The following TAFA2 variants were observed in gnomAD, a reference collection of about 807,000 sequenced individuals.
TAFA2 encodes TAFA chemokine like family member 2.
A neutral mutation model predicts 18.8 loss-of-function variants in TAFA2; 7 were observed. The observed-to-expected ratio is 0.37, with a 90% confidence interval of 0.21 to 0.70. The LOEUF is 0.70. Ranked by LOEUF, TAFA2 falls within the 30% of genes least tolerant of loss-of-function variation. TAFA2 has a pLI of 0.53. For missense variants in TAFA2, 122 were observed against 158.1 expected (o/e 0.77, Z 1.23); for synonymous variants, 60 against 54.2 (o/e 1.11, Z -0.47).
At chr12:61,811,097 A>AGC (rs1871849089) in intron 2 of TAFA2, among the ~76,000 whole-genome samples, 2 of 151,376 alleles carry the variant, frequency 1.3e-5, no homozygotes, top group Admixed American at 6.6e-5. Context: ...TCTAAATAAA[A>AGC]ATAAGCGTTC....
intron 4 of TAFA2, among the ~76,000 whole-genome samples, chr12:61,724,473 T>G (rs1368577023): frequency 6.6e-6 from 1 of 151,944 alleles, no homozygotes; most frequent in Non-Finnish European, 1.5e-5. Flanking sequence ...CTGAGATTTT[T>G]GTACACTCAT....
chr12:61,930,417 A>G (rs1877507704), intron 1 of TAFA2, among the ~76,000 whole-genome samples: 1 of 152,234 alleles, frequency 6.6e-6, no homozygotes, highest in African/African-American at 2.4e-5. Context: ...ACATGCATTC[A>G]ACACTTCGTA....
intron 1 of TAFA2, among the ~76,000 whole-genome samples, chr12:61,958,084 A>G (rs1878759305): frequency 6.6e-6 from 1 of 152,130 alleles, no homozygotes; most frequent in African/African-American, 2.4e-5. Context: ...ATACTCATAC[A>G]AAGACCTAAA....
intron 2 of TAFA2, among the ~76,000 whole-genome samples, chr12:61,866,433 G>T (rs953284231): frequency 6.6e-6 from 1 of 152,126 alleles, no homozygotes; most frequent in Non-Finnish European, 1.5e-5. Context: ...AAACTTAGTT[G>T]TTAGTCTCTA....
chr12:62,134,453 A>G, intron 1 of TAFA2, among the ~76,000 whole-genome samples: 1 of 152,020 alleles, frequency 6.6e-6, no homozygotes, highest in East Asian at 1.9e-4. Flanking sequence ...CTGAAAACCA[A>G]GAAGATGGCC....
chr12:62,081,478 T>C (rs201018295), intron 1 of TAFA2, among the ~76,000 whole-genome samples: 2 of 150,662 alleles, frequency 1.3e-5, no homozygotes, highest in Non-Finnish European at 2.9e-5. Flanking sequence ...TTGTTTTTTA[T>C]TTTGTTTGTT....
chr12:61,925,674 C>T (rs540063271), intron 1 of TAFA2, among the ~76,000 whole-genome samples: 7 of 152,058 alleles, frequency 4.6e-5, no homozygotes, highest in African/African-American at 1.4e-4. Context: ...GAAATTGACA[C>T]CAGAATCTCT....
At chr12:62,194,826 C>A (rs975848063), upstream of TAFA2, among the ~76,000 whole-genome samples, 2 of 152,288 alleles carry the variant, frequency 1.3e-5, no homozygotes, top group East Asian at 3.9e-4. Context: ...TAAAGTGAGT[C>A]ACACAATTTT....
intron 1 of TAFA2, among the ~76,000 whole-genome samples, chr12:62,078,382 A>G (rs1056003506): frequency 3.3e-5 from 5 of 150,098 alleles, no homozygotes; most frequent in African/African-American, 1.2e-4. Flanking sequence ...CATAAGAACT[A>G]TGCACACGTA....
chr12:62,004,484 G>C (rs1419555033), intron 1 of TAFA2, among the ~76,000 whole-genome samples: 1 of 152,120 alleles, frequency 6.6e-6, no homozygotes, highest in African/African-American at 2.4e-5. Flanking sequence ...AAGAAGAAAA[G>C]TTACTTGAGC....
chr12:61,988,796 T>G (rs576959945), intron 1 of TAFA2, among the ~76,000 whole-genome samples: 51 of 152,288 alleles, frequency 3.3e-4, no homozygotes, highest in Non-Finnish European at 6.5e-4. Context: ...TGTGCAAGCT[T>G]GGGCTCTGTG....
intron 1 of TAFA2, among the ~76,000 whole-genome samples, chr12:61,939,722 A>G (rs1318516051): frequency 6.6e-6 from 1 of 152,234 alleles, no homozygotes; most frequent in Non-Finnish European, 1.5e-5. Context: ...AAACAGGACA[A>G]TACATTTGAT....
At chr12:61,719,087 T>TG (rs895852418) in intron 4 of TAFA2, among the ~76,000 whole-genome samples, 2 of 152,062 alleles carry the variant, frequency 1.3e-5, no homozygotes, top group East Asian at 1.9e-4. Context: ...TTATGGCAGT[T>TG]GGGGGGGATC....
intron 2 of TAFA2, 125 bp from the exon 3 acceptor site, chr12:61,755,149 A>G (rs908252605): frequency 1.1e-4 from 88 of 773,752 alleles, no homozygotes; most frequent in Non-Finnish European, 1.6e-4. Flanking sequence ...GAAACGAGAA[A>G]TACAATGATG....
chr12:62,231,461 G>A (rs1010278696), intron 1 of TAFA2, among the ~76,000 whole-genome samples: 8 of 151,840 alleles, frequency 5.3e-5, no homozygotes, highest in Non-Finnish European at 7.4e-5. Flanking sequence ...CACTTTCTAC[G>A]TCTTTTTGGT....
At chr12:62,252,470 T>C (rs932664356) in intron 1 of TAFA2, 8 of 152,172 alleles carry the variant, frequency 5.3e-5, no homozygotes, top group Non-Finnish European at 1.0e-4. Flanking sequence ...CCTCTAAACC[T>C]ACAAATCTCA....
intron 1 of TAFA2, among the ~76,000 whole-genome samples, chr12:62,238,612 T>C (rs1356463003): frequency 6.6e-6 from 1 of 152,212 alleles, no homozygotes; most frequent in Admixed American, 6.5e-5. Flanking sequence ...AAACCCTTAA[T>C]ACTCAGTAAT....
intron 1 of TAFA2, among the ~76,000 whole-genome samples, chr12:62,103,347 T>G (rs1869292480): frequency 6.6e-6 from 1 of 152,168 alleles, no homozygotes; most frequent in South Asian, 2.1e-4. Context: ...ATCACACACT[T>G]ACCCCATCAG....
intron 1 of TAFA2, among the ~76,000 whole-genome samples, chr12:62,212,328 A>C (rs890508279): frequency 1.3e-5 from 2 of 152,172 alleles, no homozygotes; most frequent in African/African-American, 4.8e-5. Flanking sequence ...CCAAGAATCC[A>C]CCTATAAAGA....
Sources: allele counts gnomAD v4.1 joint callset (sites outside exome capture counted in the v4.1 genomes callset), GRCh38; gene constraint gnomAD v4.1.1; transcripts MANE v1.5; gene names NCBI Gene and HGNC (gene_info 2026-07-23, HGNC 2026-07-21).